The following MYBPC2 variants were observed in gnomAD, a reference collection of about 807,000 sequenced individuals.
The protein encoded by MYBPC2 is myosin binding protein C2, also known as myosin-binding protein C, fast-type.
MYBPC2 carries 122 observed loss-of-function variants against 137.0 expected under a neutral mutation model. The ratio of observed to expected loss-of-function variants is 0.89; its 90% CI spans 0.77 to 1.03. The LOEUF is 1.03. Among genes scored for constraint, MYBPC2 ranks in the 50% least tolerant of loss-of-function variants. MYBPC2 has a pLI of 0.00. For missense variants in MYBPC2, 1,500 were observed against 1,534.4 expected, an observed-to-expected ratio of 0.98 and a Z score of 0.37; for synonymous variants, 626 against 612.3, an observed-to-expected ratio of 1.02 and a Z score of -0.33.
In MYBPC2 at chr19:50,466,138, G is replaced by A. The variant is rs959473565; in HGVS notation, c.3416-57G>A. The stretch of plus-strand genomic sequence containing the variant: ...ATGTGGATGCAGCTCCTCCTCCTGG[G>A]GCTTCAGGAGGAGGCGTGCCCGGGC... On this transcript the variant is annotated intron_variant, in intron 27 of 27. Transcript: ENST00000357701. The surrounding 1 kb of genome is among the most constrained non-coding windows in gnomAD (Gnocchi z 4.9). The A allele has an allele frequency of 2.5e-6, 4 of 1,609,064 alleles. No homozygotes were observed. The Admixed American group carries it at 6.7e-5, about 27-fold the overall frequency.
chr19:50,451,771 G>A (rs2039860733), intron 15 of MYBPC2, 93 bp from the exon 16 acceptor site: 3 of 1,524,298 alleles, frequency 2.0e-6, no homozygotes, highest in Non-Finnish European at 2.7e-6. Context: ...CTCTGTCACT[G>A]TTGGAACCCA....
intron 26 of MYBPC2, among the ~76,000 whole-genome samples, chr19:50,463,063 G>A (rs998786947): frequency 2.6e-5 from 4 of 152,186 alleles, no homozygotes; most frequent in Non-Finnish European, 5.9e-5. Flanking sequence ...AGGGACACTT[G>A]CAACCTAGAG....
chr19:50,456,970 C>T (rs868659531), intron 20 of MYBPC2, among the ~76,000 whole-genome samples: 2 of 152,190 alleles, frequency 1.3e-5, no homozygotes, highest in African/African-American at 2.4e-5. Flanking sequence ...ATGTCTCAGA[C>T]GCAGCCATCT....
At chr19:50,438,462 A>G (rs1278368307) in intron 7 of MYBPC2, among the ~76,000 whole-genome samples, 1 of 152,126 alleles carries the variant, frequency 6.6e-6, no homozygotes, top group Admixed American at 6.6e-5. Flanking sequence ...GGATGGGTTC[A>G]TGAATAGGTG....
chr19:50,437,334 C>A (rs1227929978), intron 5 of MYBPC2, 139 bp from the exon 6 acceptor site: 2 of 918,082 alleles, frequency 2.2e-6, no homozygotes, highest in South Asian at 1.6e-5. Flanking sequence ...GATGCCCAGG[C>A]CTGAGCAAGG....
In MYBPC2 at chr19:50,455,300, A is replaced by T; in HGVS notation, c.2203+4A>T. 6.2e-7 allele frequency: 1 copy of T among 1,611,892 alleles called. No homozygotes were observed. Among genetic ancestry groups the T allele is most frequent in the African/African-American group, 1.3e-5 (1 of 74,866 alleles). Reference sequence around the variant, plus strand: ...ACCAAGCCTTTTATGCCTATTGGTAATGTCCTCCCTCACTTTTATGCCTAT... The same window carrying T: ...ACCAAGCCTTTTATGCCTATTGGTATTGTCCTCCCTCACTTTTATGCCTAT... On this transcript the variant is annotated splice_donor_region_variant and intron_variant, in intron 19 of 27. Transcript: ENST00000357701.
At position 50,458,923 on chromosome 19, in the gene MYBPC2, C is replaced by T. The variant is rs753563113; in HGVS notation, c.2512C>T (p.Pro838Ser). 7.5e-5 allele frequency: 121 copies of T among 1,611,480 alleles called. No homozygotes were observed. The highest frequency in any genetic ancestry group is 3.3e-4 in the Middle Eastern group (2 of 6,076). ...CCCTGTGTTTGCGCCCTCAGAGCCACCCAAGATCCGGCTTCCCCGCCATCT... is the reference window on the plus strand; with the variant it reads ...CCCTGTGTTTGCGCCCTCAGAGCCATCCAAGATCCGGCTTCCCCGCCATCT... ...PVTIREIAEPPKIRLPRHLRQ... is the reference protein window; with the variant it reads ...PVTIREIAEPSKIRLPRHLRQ... Residue 838 changes from proline to serine, a missense_variant, in exon 22 of 28, where the codon CCC becomes TCC. Pro to Ser is a moderately conservative substitution (Grantham distance 74). Coordinates refer to ENST00000357701, the MANE Select transcript of MYBPC2 (RefSeq NM_004533.4).
chr19:50,461,894 C>G lies in MYBPC2; in HGVS notation c.3092-6C>G. Reference sequence around the variant, plus strand: ...GTCGCCTTACGGGTGCATCCTCTCTCCCCAGGAATCACCTTCAAACCGTTC... The same window carrying G: ...GTCGCCTTACGGGTGCATCCTCTCTGCCCAGGAATCACCTTCAAACCGTTC... On this transcript the variant is annotated splice_polypyrimidine_tract_variant and splice_region_variant and intron_variant, in intron 25 of 27. Transcript: ENST00000357701. The G allele has an allele frequency of 6.3e-7, 1 of 1,594,160 alleles. No homozygotes were observed. The highest frequency in any genetic ancestry group is 1.1e-5 in the South Asian group (1 of 87,840).
rs942130527 is a variant in MYBPC2 at position 50,437,539 on chromosome 19, C to T, written c.512+18C>T. 2 of 1,608,148 alleles carry T rather than the reference C, an allele frequency of 1.2e-6. No individual in the cohort carries two copies. Among genetic ancestry groups the T allele is most frequent in the Non-Finnish European group, 1.7e-6 (2 of 1,177,288 alleles). ...AAGCGTACGTAAGTGACCCCAGGCC[C>T]TTACCAGGGTCCCAAGGACCATGGG... is the stretch of plus-strand genomic sequence containing the variant. On this transcript the variant is annotated intron_variant, in intron 6 of 27. Transcript: ENST00000357701.
intron 16 of MYBPC2, among the ~76,000 whole-genome samples, chr19:50,453,286 C>G (rs976992621): frequency 6.6e-6 from 1 of 152,012 alleles, no homozygotes; most frequent in Non-Finnish European, 1.5e-5. Context: ...GACGCAAACA[C>G]CTGCCCAAGA....
intron 23 of MYBPC2, among the ~76,000 whole-genome samples, 157 bp downstream of exon 23, chr19:50,459,463 G>A (rs1229756230): frequency 7.7e-5 from 3 of 38,750 alleles, no homozygotes; most frequent in Non-Finnish European, 1.0e-4. Flanking sequence ...GAGATGGGGG[G>A]TGGGAGAGGA....
chr19:50,464,603 C>T (rs1414180626), intron 27 of MYBPC2, 71 bp downstream of exon 27: 32 of 1,471,832 alleles, frequency 2.2e-5, no homozygotes, highest in Middle Eastern at 2.3e-4. Flanking sequence ...CCGGTGGCCC[C>T]GGGCTGAGCA....
intron 24 of MYBPC2, among the ~76,000 whole-genome samples, chr19:50,461,258 G>C (rs2039968895): frequency 6.6e-6 from 1 of 151,872 alleles, no homozygotes; most frequent in Non-Finnish European, 1.5e-5. Flanking sequence ...TCCCACCTCG[G>C]CCTCCCAAAG....
In MYBPC2 at chr19:50,442,609, C is replaced by T. The variant is rs528249812; in HGVS notation, c.902+296C>T. Among the ~76,000 whole-genome samples, 173 of 151,642 alleles carry T rather than the reference C, an allele frequency of 1.1e-3. 2 individuals are homozygous for T. The highest frequency in any genetic ancestry group is 2.1e-3 in the Non-Finnish European group (142 of 67,912). ...CACATGTCTGTAGTGCCTGTAATCC[C>T]AGCTACTTGGGAGGCTGAGGCAGGA... On this transcript the variant is annotated intron_variant, in intron 9 of 27. Coordinates refer to ENST00000357701, the MANE Select transcript of MYBPC2 (RefSeq NM_004533.4).
At chr19:50,434,272 A>G (rs920744053) in intron 1 of MYBPC2, among the ~76,000 whole-genome samples, 1 of 150,698 alleles carries the variant, frequency 6.6e-6, no homozygotes, top group African/African-American at 2.5e-5. Context: ...TGAGAGGATC[A>G]CTTGAGCCCA....
intron 7 of MYBPC2, among the ~76,000 whole-genome samples, chr19:50,438,095 C>A (rs1006756391): frequency 6.6e-6 from 1 of 152,150 alleles, no homozygotes; most frequent in South Asian, 2.1e-4. Context: ...CACTTTCCAC[C>A]CACTGATCCA....
chr19:50,435,744 A>G lies in MYBPC2; in HGVS notation c.110-32A>G. 6.4e-7 allele frequency: 1 copy of G among 1,560,670 alleles called. No individual in the cohort carries two copies. The highest frequency in any genetic ancestry group is 8.7e-7 in the Non-Finnish European group (1 of 1,144,262). On this transcript the variant is annotated intron_variant, in intron 2 of 27. Transcript: ENST00000357701. This position sits in a 1 kb window ranked among gnomAD's most constrained non-coding sequence, Gnocchi z 4.8. ...CTGTCCCCTCCCCAGCCTATCTCAG[A>G]CCTCCTCATCCTAATCCTGTCCCCT... is the stretch of plus-strand genomic sequence containing the variant.
rs768591908 is a variant in MYBPC2, at chr19:50,459,025, C to CG, written c.2595+22dup. 5.6e-6 allele frequency: 9 copies of CG among 1,597,540 alleles called. No individual in the cohort carries two copies. In the South Asian group the frequency reaches 6.8e-5, roughly 12 times the overall value. ...CTTCCAGGTCAGGGGAGCGGGGTCA[C>CG]GGGCCGGGGGTCCGCTCTCGCCGCA... On this transcript the variant is annotated intron_variant, in intron 22 of 27. Coordinates refer to ENST00000357701, the MANE Select transcript of MYBPC2 (RefSeq NM_004533.4).
Position 50,435,875 on chromosome 19 carries a change from C to A in MYBPC2, c.196+13C>A. 2 of 1,575,514 alleles carry A rather than the reference C, an allele frequency of 1.3e-6. No individual in the cohort carries two copies. Among genetic ancestry groups the A allele is most frequent in the South Asian group, 2.3e-5 (2 of 86,086 alleles). On this transcript the variant is annotated intron_variant, in intron 3 of 27. Transcript: ENST00000357701. This position sits in a 1 kb window ranked among gnomAD's most constrained non-coding sequence, Gnocchi z 4.8. ...TCAGTGGAGACTGGTGAGGGGAACC[C>A]GGGGGAGGAGGGGCTGCGGCCCGGA... is the stretch of plus-strand genomic sequence containing the variant.
Sources: allele counts gnomAD v4.1 joint callset (sites outside exome capture counted in the v4.1 genomes callset), GRCh38; gene constraint gnomAD v4.1.1; non-coding constraint Gnocchi (gnomAD v3.1); transcripts MANE v1.5; gene names NCBI Gene and HGNC (gene_info 2026-07-23, HGNC 2026-07-21).